Variants in UBE2V1 observed in about 807,000 individuals in gnomAD.
UBE2V1 encodes ubiquitin-conjugating enzyme E2 variant 1.
Under a neutral mutation model 19.6 loss-of-function variants are expected in UBE2V1, and 15 were observed. The observed-to-expected ratio is 0.77, with a 90% CI of 0.51 to 1.18. The LOEUF is 1.18. Ranked by LOEUF, UBE2V1 falls within the 50% of genes most tolerant of loss-of-function variation. The pLI, the probability that UBE2V1 is intolerant of heterozygous loss-of-function variation, is 0.00. For synonymous variants in UBE2V1, 60 were observed against 60.7 expected, an observed-to-expected ratio of 0.99 and a Z score of 0.05; for missense variants, 125 against 184.8, an observed-to-expected ratio of 0.68 and a Z score of 1.88.
chr20:50,115,762 AT>A, upstream of UBE2V1: 2 of 585,910 alleles, frequency 3.4e-6, no homozygotes, highest in Non-Finnish European at 5.0e-6. Flanking sequence ...GAATATCCCC[AT>A]TTTTAGAGAT....
intron 2 of UBE2V1, among the ~76,000 whole-genome samples, chr20:50,093,989 A>AATT (rs1356699843): frequency 0.038 from 2,200 of 58,258 alleles, 39 homozygotes; most frequent in African/African-American, 0.08. Context: ...CTCCAACTCA[A>AATT]AAAAAAAAAA....
intron 1 of UBE2V1, among the ~76,000 whole-genome samples, chr20:50,104,878 C>T (rs2080258418): frequency 6.6e-6 from 1 of 151,838 alleles, no homozygotes. Flanking sequence ...AGGCACGCGC[C>T]ACGACACCCA....
upstream of UBE2V1, chr20:50,115,449 CAA>C: frequency 6.7e-7 from 1 of 1,497,742 alleles, no homozygotes; most frequent in Non-Finnish European, 9.0e-7. Context: ...GCATCAGTAG[CAA>C]GTGGAAGCAT....
intron 1 of UBE2V1, among the ~76,000 whole-genome samples, chr20:50,097,666 G>A (rs776593227): frequency 2.0e-5 from 3 of 152,166 alleles, no homozygotes; most frequent in Non-Finnish European, 2.9e-5. Flanking sequence ...AATCCTGACT[G>A]TCTCTCCTTC....
chr20:50,083,044 A>C (rs2078709565), intron 3 of UBE2V1, 130 bp from the exon 4 acceptor site: 2 of 1,416,836 alleles, frequency 1.4e-6, no homozygotes, highest in Non-Finnish European at 1.9e-6. Flanking sequence ...TAATCCTAAT[A>C]CCTTACATGC....
chr20:50,112,115 G>A (rs929778857), intron 1 of UBE2V1, among the ~76,000 whole-genome samples: 1 of 152,216 alleles, frequency 6.6e-6, no homozygotes, highest in African/African-American at 2.4e-5. Context: ...CGTCTCCACA[G>A]AAGAGACACT....
chr20:50,092,043 G>A (rs552182069), intron 2 of UBE2V1, among the ~76,000 whole-genome samples: 4 of 152,196 alleles, frequency 2.6e-5, no homozygotes, highest in South Asian at 4.1e-4. Context: ...ACACTTGGCC[G>A]GGTGTGGTGG....
intron 2 of UBE2V1, chr20:50,084,552 T>C: frequency 2.0e-6 from 1 of 507,344 alleles, no homozygotes; most frequent in Non-Finnish European, 3.8e-6. Flanking sequence ...TACTTTGCAG[T>C]CCTTCTCTGG....
chr20:50,109,819 T>A (rs965895639), intron 1 of UBE2V1, among the ~76,000 whole-genome samples: 6 of 151,258 alleles, frequency 4.0e-5, no homozygotes, highest in African/African-American at 1.5e-4. Context: ...TGGAGCAGGC[T>A]GCTATTTCTT....
At chr20:50,086,835 C>T (rs752902537) in intron 2 of UBE2V1, among the ~76,000 whole-genome samples, 36 of 152,184 alleles carry the variant, frequency 2.4e-4, no homozygotes, top group Admixed American at 5.9e-4. Flanking sequence ...CCCAGCACTT[C>T]GGGAAGCCGA....
In UBE2V1 at chr20:50,113,139, T is replaced by C. The variant is rs1176829096; in HGVS notation, c.-11A>G. The C allele has an allele frequency of 6.6e-6, 9 of 1,367,474 alleles. No homozygotes were observed. The Admixed American group carries it at 1.4e-4, about 21-fold the overall frequency. The allele number at this position is 1,367,474 out of a possible 1,614,324, so 84.7% of individuals were successfully genotyped here. A position where few individuals can be genotyped will look rare whatever the true frequency, so the allele number is the denominator to read the frequency against. ...CGTGGTGGCTGCCATCTTGCGTCGC[T>C]CTTGCTTGAAGGCCGGCCCCTTCTT... On this transcript the variant is annotated 5_prime_UTR_variant, in exon 1 of 4. Transcript: ENST00000371674.
At chr20:50,113,863 C>T (rs760811882), upstream of UBE2V1, among the ~76,000 whole-genome samples, 6 of 152,142 alleles carry the variant, frequency 3.9e-5, no homozygotes, top group Non-Finnish European at 8.8e-5. Context: ...CTGTGCTAGG[C>T]GCTGGGGATG....
chr20:50,115,747 C>T, upstream of UBE2V1: 1 of 685,428 alleles, frequency 1.5e-6, no homozygotes, highest in African/African-American at 1.8e-5. Context: ...TGCAGCAACT[C>T]CTGTGAATAT....
chr20:50,091,144 T>G (rs966000973), intron 2 of UBE2V1, among the ~76,000 whole-genome samples: 2 of 152,092 alleles, frequency 1.3e-5, no homozygotes, highest in African/African-American at 4.8e-5. Flanking sequence ...CCTCCTGGGT[T>G]CAAGCGATTC....
intron 2 of UBE2V1, among the ~76,000 whole-genome samples, chr20:50,089,354 G>C (rs192876883): frequency 6.6e-6 from 1 of 152,170 alleles, no homozygotes; most frequent in African/African-American, 2.4e-5. Flanking sequence ...CTGGTTTTGT[G>C]AATGTCCCCA....
In UBE2V1 at chr20:50,091,311, G is replaced by A. The variant is rs902734959; in HGVS notation, c.171+5361C>T. ...TTCACCTGCCTCGGCCTCCCAAAGC[G>A]CTGGGATTACAGGCGTGAATCACCA... is the stretch of plus-strand genomic sequence containing the variant. On this transcript the variant is annotated intron_variant, in intron 2 of 3. Transcript: ENST00000371674. 2.6e-5 allele frequency among the ~76,000 whole-genome samples: 4 copies of A among 151,642 alleles called. No homozygotes were observed. In the South Asian group the frequency reaches 6.2e-4, roughly 24 times the overall value.
chr20:50,082,594 CAA>C lies in UBE2V1; in HGVS notation c.*172_*173del. The C allele has an allele frequency of 1.6e-6, 2 of 1,230,246 alleles. No individual in the cohort carries two copies. Among genetic ancestry groups the C allele is most frequent in the Non-Finnish European group, 2.2e-6 (2 of 919,790 alleles). 76.2% of individuals were successfully genotyped at this position (1,230,246 alleles called of 1,614,324 possible). On this transcript the variant is annotated 3_prime_UTR_variant, in exon 4 of 4. Coordinates refer to ENST00000371674, the MANE Select transcript of UBE2V1 (RefSeq NM_001032288.3). ...GCACAACTTATATATTTCAAATGGA[CAA>C]AAAATTAGTATCATTTACAGTATCT...
intron 1 of UBE2V1, among the ~76,000 whole-genome samples, chr20:50,102,646 C>G (rs578186629): frequency 7.9e-5 from 12 of 152,314 alleles, no homozygotes; most frequent in African/African-American, 2.6e-4. Flanking sequence ...CTGGCCTCAG[C>G]TTCCCAAAGT....
At chr20:50,105,711 G>C (rs567143599) in intron 1 of UBE2V1, among the ~76,000 whole-genome samples, 26 of 152,232 alleles carry the variant, frequency 1.7e-4, no homozygotes, top group African/African-American at 6.0e-4. Flanking sequence ...TACTTTGAGA[G>C]GCCGAGGTGG....
Sources: allele counts gnomAD v4.1 joint callset (sites outside exome capture counted in the v4.1 genomes callset), GRCh38; gene constraint gnomAD v4.1.1; transcripts MANE v1.5; gene names NCBI Gene and HGNC (gene_info 2026-07-23, HGNC 2026-07-21).